Variants in TSHZ2 observed in about 807,000 individuals in gnomAD.
TSHZ2 encodes teashirt zinc finger homeobox 2.
In TSHZ2, 21 loss-of-function variants were observed where a neutral mutation model predicts 74.4. The ratio of observed to expected loss-of-function variants is 0.28; its 90% CI spans 0.20 to 0.41. The LOEUF is 0.41. Among genes scored for constraint, TSHZ2 ranks in the 10% least tolerant of loss-of-function variants. The pLI is 1.00. For missense variants in TSHZ2, 1,244 were observed against 1,293.5 expected, an observed-to-expected ratio of 0.96 and a Z score of 0.59; for synonymous variants, 540 against 515.3, an observed-to-expected ratio of 1.05 and a Z score of -0.65.
At chr20:53,388,051 CAAA>C (rs370885996) in intron 2 of TSHZ2, among the ~76,000 whole-genome samples, 1 of 99,968 alleles carries the variant, frequency 1.0e-5, no homozygotes, top group Non-Finnish European at 2.2e-5. Context: ...TCCATCTCTA[CAAA>C]AAAAAAAAAA....
chr20:53,369,466 G>A (rs571214556), intron 2 of TSHZ2, among the ~76,000 whole-genome samples: 63 of 152,220 alleles, frequency 4.1e-4, no homozygotes, highest in African/African-American at 1.5e-3. Flanking sequence ...CAGCACCTCG[G>A]GAGGCCAAAG....
chr20:52,984,184 G>A (rs1981667924), intron 1 of TSHZ2, among the ~76,000 whole-genome samples: 1 of 152,172 alleles, frequency 6.6e-6, no homozygotes, highest in Admixed American at 6.5e-5. Context: ...TGTTGGGAGG[G>A]CGGCTGTGGC....
chr20:53,468,709 A>C (rs6123283), intron 2 of TSHZ2, among the ~76,000 whole-genome samples: 1 of 148,638 alleles, frequency 6.7e-6, no homozygotes, highest in Non-Finnish European at 1.5e-5. Flanking sequence ...AAAAAAAAAA[A>C]CTAAAAAAAC....
At chr20:53,307,298 CA>C (rs11477876) in intron 2 of TSHZ2, among the ~76,000 whole-genome samples, 16,802 of 152,164 alleles carry the variant, frequency 0.11, 1,058 homozygotes, top group African/African-American at 0.16. Flanking sequence ...CTTCCAAGTA[CA>C]AAAGAGCTGA....
intron 1 of TSHZ2, among the ~76,000 whole-genome samples, chr20:53,025,572 C>T (rs1170305341): frequency 6.6e-6 from 1 of 152,210 alleles, no homozygotes; most frequent in Non-Finnish European, 1.5e-5. Flanking sequence ...CTTCCCCGCC[C>T]CACCCCTGGG....
chr20:53,167,932 G>C (rs977790770), intron 1 of TSHZ2, among the ~76,000 whole-genome samples: 1 of 152,194 alleles, frequency 6.6e-6, no homozygotes, highest in Admixed American at 6.5e-5. Context: ...GTGACAAAAA[G>C]TCCCTGGTAC....
intron 2 of TSHZ2, among the ~76,000 whole-genome samples, chr20:53,350,262 G>C (rs778308837): frequency 6.6e-6 from 1 of 152,190 alleles, no homozygotes; most frequent in Non-Finnish European, 1.5e-5. Context: ...CTTCATTTTA[G>C]GTGGAAAGTG....
In TSHZ2 at chr20:53,256,068, C is replaced by A; in HGVS notation, c.2610C>A (p.Gly870=). 1 of 1,614,068 alleles carries A rather than the reference C, an allele frequency of 6.2e-7. No homozygotes were observed. Among genetic ancestry groups the A allele is most frequent in the South Asian group, 1.1e-5 (1 of 91,054 alleles). Residue 870 remains glycine (G), a synonymous_variant, in exon 2 of 3, where the codon GGC becomes GGA. Transcript: ENST00000371497. This position sits in a 1 kb window ranked among gnomAD's most constrained non-coding sequence, Gnocchi z 4.3. ...FASSLFQTSE[G]KYLLSDLGPQ... The stretch of plus-strand genomic sequence containing the variant: ...CGAGCCTCTTCCAGACATCAGAGGG[C>A]AAATACCTGCTGTCTGATCTGGGCC...
In TSHZ2 at chr20:53,198,230, A is replaced by G. The variant is rs540172298; in HGVS notation, c.41-55269A>G. 2.0e-5 allele frequency: 3 copies of G among 152,324 alleles called. No homozygotes were observed. The East Asian group carries it at 5.8e-4, about 29-fold the overall frequency. The allele number at this position is 152,324 out of a possible 1,614,324, so 9.4% of individuals were successfully genotyped here. A position where few individuals can be genotyped will look rare whatever the true frequency, so the allele number is the denominator to read the frequency against. Reference sequence around the variant, plus strand: ...TGGGAAGCCCATCCAGTGTCTCTGGAGCCCAGTTAAGAATCAGCCATCATT... The same window carrying G: ...TGGGAAGCCCATCCAGTGTCTCTGGGGCCCAGTTAAGAATCAGCCATCATT... On this transcript the variant is annotated intron_variant, in intron 1 of 2. Coordinates refer to ENST00000371497, the MANE Select transcript of TSHZ2 (RefSeq NM_173485.6).
intron 2 of TSHZ2, among the ~76,000 whole-genome samples, chr20:53,312,142 AC>A (rs1192751538): frequency 6.6e-6 from 1 of 152,186 alleles, no homozygotes; most frequent in Admixed American, 6.5e-5. Flanking sequence ...CACTCACATG[AC>A]AAGCCTACAG....
intron 1 of TSHZ2, among the ~76,000 whole-genome samples, chr20:53,054,994 C>A (rs1482984894): frequency 2.0e-5 from 3 of 152,144 alleles, no homozygotes; most frequent in Middle Eastern, 3.2e-3. Context: ...AGCCAGAAAT[C>A]CAGATTTATA....
intron 2 of TSHZ2, among the ~76,000 whole-genome samples, chr20:53,410,587 CATT>C (rs71194476): frequency 0.032 from 4,596 of 141,802 alleles, 154 homozygotes; most frequent in African/African-American, 0.088. Flanking sequence ...ATTATCGTCA[CATT>C]ATTATTATTA....
intron 1 of TSHZ2, among the ~76,000 whole-genome samples, chr20:53,247,203 G>T (rs905181141): frequency 6.6e-6 from 1 of 152,188 alleles, no homozygotes; most frequent in Non-Finnish European, 1.5e-5. Context: ...AAAAATCCAC[G>T]CACCATAAAT....
intron 1 of TSHZ2, among the ~76,000 whole-genome samples, chr20:53,040,042 G>A (rs2123094341): frequency 6.6e-6 from 1 of 152,172 alleles, no homozygotes; most frequent in South Asian, 2.1e-4. Context: ...GGAGGCGGAG[G>A]CTGCAGTGAG....
intron 2 of TSHZ2, among the ~76,000 whole-genome samples, chr20:53,469,062 T>TATAC (rs1555872259): frequency 3.2e-5 from 4 of 123,528 alleles, no homozygotes; most frequent in African/African-American, 1.2e-4. Context: ...TATATATATA[T>TATAC]ATATATATAT....
chr20:53,314,701 C>T (rs1279189395), intron 2 of TSHZ2, among the ~76,000 whole-genome samples: 1 of 150,974 alleles, frequency 6.6e-6, no homozygotes, highest in African/African-American at 2.4e-5. Flanking sequence ...AGTTCATTGC[C>T]ACCTTCCCCT....
chr20:53,397,181 AAC>A (rs1285938304), intron 2 of TSHZ2, among the ~76,000 whole-genome samples: 1 of 152,260 alleles, frequency 6.6e-6, no homozygotes, highest in Non-Finnish European at 1.5e-5. Context: ...CATCAGAGTG[AAC>A]AGGCAACCTA....
At chr20:53,250,666 TA>T (rs1209038188) in intron 1 of TSHZ2, among the ~76,000 whole-genome samples, 1 of 152,118 alleles carries the variant, frequency 6.6e-6, no homozygotes, top group African/African-American at 2.4e-5. Flanking sequence ...TACTCTTCTG[TA>T]AAGGTTATAG....
chr20:53,385,828 G>C (rs1982023803), intron 2 of TSHZ2, among the ~76,000 whole-genome samples: 1 of 152,110 alleles, frequency 6.6e-6, no homozygotes, highest in Non-Finnish European at 1.5e-5. Context: ...GAACTTTCGA[G>C]AATCTGAAAA....
Sources: gnomAD v4.1 joint callset for allele counts (sites outside exome capture counted in the v4.1 genomes callset) on GRCh38, gnomAD v4.1.1 for gene constraint, Gnocchi (gnomAD v3.1) non-coding constraint, MANE v1.5 for transcripts, NCBI Gene and HGNC (gene_info 2026-07-23, HGNC 2026-07-21) for gene names.